The following EEFSEC variants were observed in gnomAD, a reference collection of about 807,000 sequenced individuals.
EEFSEC encodes eukaryotic elongation factor, selenocysteine-tRNA specific, also known as selenocysteine-specific elongation factor.
Under a neutral mutation model 42.1 loss-of-function variants are expected in EEFSEC, and 43 were observed. That is an observed-to-expected ratio of 1.02 (90% CI 0.80 to 1.32). The LOEUF (loss-of-function observed/expected upper bound fraction) is 1.32, where lower values mean the gene tolerates loss of function less well. EEFSEC is among the 40% of genes most tolerant of loss of function. The pLI is 0.00. For missense variants in EEFSEC, 745 were observed against 803.6 expected, an observed-to-expected ratio of 0.93 and a Z score of 0.88; for synonymous variants, 354 against 339.1, an observed-to-expected ratio of 1.04 and a Z score of -0.48.
At chr3:128,173,862 C>T (rs1186416911) in intron 1 of EEFSEC, among the ~76,000 whole-genome samples, 7 of 152,080 alleles carry the variant, frequency 4.6e-5, no homozygotes, top group Admixed American at 3.3e-4. Context: ...GAATGGTGCC[C>T]CAAGTGAAGA....
At chr3:128,192,687 C>T (rs925186472) in intron 1 of EEFSEC, among the ~76,000 whole-genome samples, 3 of 152,078 alleles carry the variant, frequency 2.0e-5, no homozygotes, top group Non-Finnish European at 4.4e-5. Context: ...TAACTCTTTC[C>T]ACAGTATTTG....
At chr3:128,244,265 G>A (rs572052211) in intron 1 of EEFSEC, among the ~76,000 whole-genome samples, 1 of 152,342 alleles carries the variant, frequency 6.6e-6, no homozygotes, top group African/African-American at 2.4e-5. Flanking sequence ...GTTAGGACCC[G>A]GAAGACAGTT....
chr3:128,380,893 C>T (rs567894186), intron 6 of EEFSEC, among the ~76,000 whole-genome samples: 58 of 152,328 alleles, frequency 3.8e-4, no homozygotes, highest in African/African-American at 1.3e-3. Flanking sequence ...GGCCTCTCCC[C>T]CACCAGCACT....
chr3:128,282,086 T>C (rs1299178319), intron 4 of EEFSEC, among the ~76,000 whole-genome samples: 1 of 152,224 alleles, frequency 6.6e-6, no homozygotes, highest in East Asian at 1.9e-4. Flanking sequence ...TACAGTTACC[T>C]GCCCACCAGG....
At chr3:128,257,179 A>G (rs1199476030) in intron 2 of EEFSEC, among the ~76,000 whole-genome samples, 2 of 152,176 alleles carry the variant, frequency 1.3e-5, no homozygotes, top group East Asian at 3.8e-4. Flanking sequence ...AGTGTGGCAT[A>G]CTTTTCTTTG....
intron 1 of EEFSEC, among the ~76,000 whole-genome samples, chr3:128,155,568 A>G (rs1182248014): frequency 2.6e-5 from 4 of 152,218 alleles, no homozygotes; most frequent in African/African-American, 9.6e-5. Context: ...AAAGAAGTAT[A>G]CTTCTCACTG....
chr3:128,193,708 G>A (rs1306571421), intron 1 of EEFSEC, among the ~76,000 whole-genome samples: 2 of 152,128 alleles, frequency 1.3e-5, no homozygotes, highest in Admixed American at 1.3e-4. Context: ...CCTCAGCAAT[G>A]GCAAGTGACT....
intron 4 of EEFSEC, among the ~76,000 whole-genome samples, chr3:128,302,640 T>C (rs1396965534): frequency 6.6e-6 from 1 of 152,062 alleles, no homozygotes; most frequent in Non-Finnish European, 1.5e-5. Context: ...AGGTAAGTTA[T>C]ATATATGGTT....
At chr3:128,238,664 A>T (rs2066038096) in intron 1 of EEFSEC, among the ~76,000 whole-genome samples, 1 of 151,960 alleles carries the variant, frequency 6.6e-6, no homozygotes, top group South Asian at 2.1e-4. Flanking sequence ...AATTTTTTGT[A>T]TTTTAGTAGA....
At chr3:128,349,993 A>T (rs1430430318) in intron 5 of EEFSEC, among the ~76,000 whole-genome samples, 3 of 152,182 alleles carry the variant, frequency 2.0e-5, no homozygotes, top group African/African-American at 7.2e-5. Flanking sequence ...CAGTGGTGGG[A>T]TAAGGCCAGG....
chr3:128,287,889 A>C (rs2066602781), intron 4 of EEFSEC, among the ~76,000 whole-genome samples: 1 of 152,202 alleles, frequency 6.6e-6, no homozygotes, highest in Non-Finnish European at 1.5e-5. Flanking sequence ...ATTCATGTAT[A>C]TCGTTATCTC....
At chr3:128,187,238 C>T (rs919092600) in intron 1 of EEFSEC, among the ~76,000 whole-genome samples, 4 of 152,138 alleles carry the variant, frequency 2.6e-5, no homozygotes, top group African/African-American at 9.7e-5. Context: ...TTAATTGGTT[C>T]AGGGATAGAT....
chr3:128,238,966 A>G (rs1217402946), intron 1 of EEFSEC, among the ~76,000 whole-genome samples: 1 of 152,222 alleles, frequency 6.6e-6, no homozygotes, highest in Non-Finnish European at 1.5e-5. Context: ...TTAATGCATC[A>G]TGGGACCAGG....
At chr3:128,251,146 A>G (rs1209691870) in intron 2 of EEFSEC, among the ~76,000 whole-genome samples, 2 of 152,072 alleles carry the variant, frequency 1.3e-5, no homozygotes, top group Non-Finnish European at 2.9e-5. Context: ...AGTTGTAGTC[A>G]TGAGGCATGT....
chr3:128,211,848 C>CTTTTTTTTTTTTTTTTTT (rs34885945), intron 1 of EEFSEC, among the ~76,000 whole-genome samples: 3 of 51,702 alleles, frequency 5.8e-5, no homozygotes, highest in Non-Finnish European at 6.5e-5. Flanking sequence ...TTTTTCTTTT[C>CTTTTTTTTTTTTTTTTTT]TTTTTTTTTT....
chr3:128,398,380 G>A (rs555537611), intron 6 of EEFSEC, among the ~76,000 whole-genome samples: 11 of 152,318 alleles, frequency 7.2e-5, no homozygotes, highest in African/African-American at 2.6e-4. Context: ...AGATGGAAGA[G>A]GAATGTGTGG....
rs748978970 is a variant in EEFSEC at position 128,341,664 on chromosome 3, T to A, written c.1218T>A (p.Cys406Ter). Residue 406 changes from cysteine to a stop codon, truncating the protein, a stop_gained, in exon 5 of 7, where the codon TGT becomes TGA. Coordinates refer to ENST00000254730, the MANE Select transcript of EEFSEC (RefSeq NM_021937.5). LOFTEE classifies it high-confidence loss of function. ...CCGGCCAGGCCACAGAGGGCCATTG[T>A]CCTCGGCAGCAGTGGGCCCTGGTGG... Reference protein sequence around the residue: ...KKAGQATEGHCPRQQWALVEF... With the variant: ...KKAGQATEGH 6 of 1,613,980 alleles carry A rather than the reference T, an allele frequency of 3.7e-6. No individual in the cohort carries two copies. Among genetic ancestry groups the A allele is most frequent in the Non-Finnish European group, 5.1e-6 (6 of 1,180,042 alleles).
chr3:128,180,048 T>C (rs941460124), intron 1 of EEFSEC, among the ~76,000 whole-genome samples: 5 of 152,206 alleles, frequency 3.3e-5, no homozygotes, highest in African/African-American at 1.2e-4. Flanking sequence ...TGATCTGTTA[T>C]TTGCATTATG....
At chr3:128,305,457 A>G (rs1018430600) in intron 4 of EEFSEC, among the ~76,000 whole-genome samples, 1 of 152,224 alleles carries the variant, frequency 6.6e-6, no homozygotes, top group Non-Finnish European at 1.5e-5. Flanking sequence ...TCCTTAGAAG[A>G]TTGAAGAAAT....
Sources: gnomAD v4.1 joint callset for allele counts (sites outside exome capture counted in the v4.1 genomes callset) on GRCh38, gnomAD v4.1.1 for gene constraint, MANE v1.5 for transcripts, NCBI Gene and HGNC (gene_info 2026-07-23, HGNC 2026-07-21) for gene names.